Variants in FBXL22 observed in about 807,000 individuals in gnomAD.
FBXL22 encodes the protein F-box and leucine rich repeat protein 22, also known as F-box and leucine-rich protein 22.
FBXL22 carries 13 observed loss-of-function variants against 11.7 expected under a neutral mutation model. The ratio of observed to expected loss-of-function variants is 1.11; its 90% CI spans 0.73 to 1.77. The LOEUF is 1.77. Ranked by LOEUF, FBXL22 falls within the 40% of genes most tolerant of loss-of-function variation. FBXL22 has a pLI of 0.00. For missense variants in FBXL22, 406 were observed against 320.4 expected, an observed-to-expected ratio of 1.27 and a Z score of -2.04; for synonymous variants, 160 against 144.1, an observed-to-expected ratio of 1.11 and a Z score of -0.79.
intron 1 of FBXL22, chr15:63,599,399 CA>C: frequency 7.3e-7 from 1 of 1,376,856 alleles, no homozygotes; most frequent in East Asian, 2.7e-5. Flanking sequence ...TTGAAGGTAA[CA>C]ATTCCTCCCA....
chr15:63,602,678 TG>T (rs1193753289), downstream of FBXL22, among the ~76,000 whole-genome samples: 1 of 150,828 alleles, frequency 6.6e-6, no homozygotes, highest in Non-Finnish European at 1.5e-5. Flanking sequence ...GGCAAGAGAT[TG>T]GGGGGTGAAG....
downstream of FBXL22, chr15:63,601,935 C>A: frequency 1.9e-6 from 1 of 529,392 alleles, no homozygotes; most frequent in Non-Finnish European, 3.2e-6. Context: ...CCTAGGCTTC[C>A]AATTTGAATT....
chr15:63,597,596 C>T lies in FBXL22; in HGVS notation c.204C>T (p.Gly68=). 6.2e-7 allele frequency: 1 copy of T among 1,613,964 alleles called. No homozygotes were observed. ...TELQKDNFLL[G]PALRSLSICW... ...TCCAGAAGGACAACTTCCTCCTGGG[C>T]CCGGCACTCCGCAGCCTCTCCATCT... The change falls in exon 1 of 2, where the codon GGC becomes GGT. Residue 68 remains glycine (G), a synonymous_variant. Transcript: ENST00000638704. This position sits in a 1 kb window ranked among gnomAD's most constrained non-coding sequence, Gnocchi z 4.3.
Position 63,600,798 on chromosome 15 carries a change from G to A in FBXL22, c.455G>A (p.Arg152His), listed in dbSNP as rs538591757. The A allele has an allele frequency of 1.1e-5, 14 of 1,230,990 alleles. No individual in the cohort carries two copies. The East Asian group carries it at 1.9e-4, about 17-fold the overall frequency. The allele number at this position is 1,230,990 out of a possible 1,614,324, so 76.3% of individuals were successfully genotyped here. ...LRCCPRLRAL[R>H]LENCARVTNR... ...TGCTGCCCACGCCTGCGCGCACTGC[G>A]CCTGGAGAACTGCGCGCGCGTCACC... Residue 152 changes from arginine (R) to histidine (H), a missense_variant, in exon 2 of 2, where the codon CGC becomes CAC. By Grantham distance (29) the Arg-to-His change is conservative (BLOSUM62 0). Transcript: ENST00000638704.
At chr15:63,601,611 C>A (rs372736597), downstream of FBXL22, 3 of 1,595,816 alleles carry the variant, frequency 1.9e-6, no homozygotes, top group East Asian at 2.3e-5. Flanking sequence ...GCCACCGAGC[C>A]GCTCCTCCTT....
Position 63,599,153 on chromosome 15 carries a change from G to C in FBXL22, c.353+1408G>C, listed in dbSNP as rs1235297200. On this transcript the variant is annotated intron_variant, in intron 1 of 1. Transcript: ENST00000638704. ...TGTGCTAAATTTTTCTTATCCAACA[G>C]GGTAAGAGGATTAAATGACACAGTG... The C allele has an allele frequency of 6.7e-6, 10 of 1,493,446 alleles. No homozygotes were observed. In the East Asian group the frequency reaches 1.5e-4, roughly 22 times the overall value. 92.5% of individuals were successfully genotyped at this position (1,493,446 alleles called of 1,614,324 possible). A position where few individuals can be genotyped will look rare whatever the true frequency, so the allele number is the denominator to read the frequency against.
At chr15:63,599,288 G>A (rs1005104302) in intron 1 of FBXL22, 23 of 1,490,600 alleles carry the variant, frequency 1.5e-5, no homozygotes, top group Non-Finnish European at 1.9e-5. Context: ...GGGACAGTCC[G>A]CTCTTTGTTT....
downstream of FBXL22, among the ~76,000 whole-genome samples, chr15:63,605,982 T>C (rs2067411075): frequency 6.6e-6 from 1 of 152,220 alleles, no homozygotes; most frequent in Non-Finnish European, 1.5e-5. Flanking sequence ...GGTGGTGCTC[T>C]GAGGCTTGTC....
intron 1 of FBXL22, chr15:63,599,659 C>T (rs1332180924): frequency 7.1e-6 from 7 of 987,968 alleles, no homozygotes; most frequent in Non-Finnish European, 8.4e-6. Flanking sequence ...ACAAAGGAGC[C>T]GAGCTGGCAC....
downstream of FBXL22, among the ~76,000 whole-genome samples, chr15:63,607,361 G>A (rs968168618): frequency 6.6e-6 from 1 of 152,182 alleles, no homozygotes; most frequent in Admixed American, 6.5e-5. Flanking sequence ...TCCTGGTCCA[G>A]AGGCCCAGGC....
chr15:63,601,907 G>C, downstream of FBXL22: 1 of 614,044 alleles, frequency 1.6e-6, no homozygotes, highest in Non-Finnish European at 2.6e-6. Flanking sequence ...TGTTGGATTT[G>C]CTGGACATGA....
the FBXL22 span, among the ~76,000 whole-genome samples, chr15:63,608,148 C>T: frequency 0.029 from 4,476 of 152,308 alleles, 214 homozygotes; most frequent in African/African-American, 0.1. Flanking sequence ...CTTGGCTGCC[C>T]TCCCCACTGA....
rs150267919 is a variant in FBXL22, at chr15:63,597,655, T to A, written c.263T>A (p.Ile88Asn). 6.2e-7 allele frequency: 1 copy of A among 1,612,764 alleles called. No individual in the cohort carries two copies. The highest frequency in any genetic ancestry group is 8.5e-7 in the Non-Finnish European group (1 of 1,179,730). The change falls in exon 1 of 2, where the codon ATT becomes AAT. Residue 88 changes from isoleucine (I) to asparagine (N), a missense_variant. Ile to Asn is a moderately radical substitution (Grantham distance 149). Coordinates refer to ENST00000638704, the MANE Select transcript of FBXL22 (RefSeq NM_001367807.1). This position sits in a 1 kb window ranked among gnomAD's most constrained non-coding sequence, Gnocchi z 4.3. ...TCCAGCCGCGTGCAGGTGTGCAGCA[T>A]TGAGGACTGGCTCAAGAGTGCCTTC... Reference protein sequence around the residue: ...WHSSRVQVCSIEDWLKSAFQR... With the variant: ...WHSSRVQVCSNEDWLKSAFQR...
At position 63,600,805 on chromosome 15, in the gene FBXL22, G is replaced by A. The variant is rs1449704956; in HGVS notation, c.462G>A (p.Glu154=). 3 of 1,231,014 alleles carry A rather than the reference G, an allele frequency of 2.4e-6. No homozygotes were observed. Among genetic ancestry groups the A allele is most frequent in the Admixed American group, 4.2e-5 (1 of 23,694 alleles). 76.3% of individuals were successfully genotyped at this position (1,231,014 alleles called of 1,614,324 possible). A position where few individuals can be genotyped will look rare whatever the true frequency, so the allele number is the denominator to read the frequency against. The change falls in exon 2 of 2, where the codon GAG becomes GAA. Residue 154 remains glutamate, a synonymous_variant. Transcript: ENST00000638704. The part of the protein sequence containing the change: ...CCPRLRALRL[E]NCARVTNRTL... ...CACGCCTGCGCGCACTGCGCCTGGA[G>A]AACTGCGCGCGCGTCACCAACCGCA...
downstream of FBXL22, among the ~76,000 whole-genome samples, chr15:63,606,476 G>A (rs1297150234): frequency 1.3e-5 from 2 of 152,238 alleles, no homozygotes; most frequent in Non-Finnish European, 2.9e-5. Context: ...AGAGCTGAAA[G>A]TAAACCAAGG....
chr15:63,601,320 G>A (rs1304765967), downstream of FBXL22: 5 of 1,594,424 alleles, frequency 3.1e-6, no homozygotes, highest in East Asian at 2.3e-5. Context: ...GCTCCCCACG[G>A]AGGCGGGAGG....
chr15:63,598,905 G>A (rs2067318941), intron 1 of FBXL22, among the ~76,000 whole-genome samples: 2 of 152,312 alleles, frequency 1.3e-5, no homozygotes, highest in East Asian at 3.9e-4. Flanking sequence ...TCCTGAAGTT[G>A]TTCCATTCTT....
intron 1 of FBXL22, among the ~76,000 whole-genome samples, chr15:63,598,615 G>T (rs2067313020): frequency 6.6e-6 from 1 of 152,106 alleles, no homozygotes; most frequent in African/African-American, 2.4e-5. Context: ...ACACCCCCTT[G>T]ATCATATAAC....
chr15:63,604,295 G>C (rs2067403263), downstream of FBXL22, among the ~76,000 whole-genome samples: 1 of 152,168 alleles, frequency 6.6e-6, no homozygotes, highest in Non-Finnish European at 1.5e-5. Flanking sequence ...GGTTGAGCTA[G>C]AATGGGGTAA....
Sources: gnomAD v4.1 joint callset for allele counts (sites outside exome capture counted in the v4.1 genomes callset) on GRCh38, gnomAD v4.1.1 for gene constraint, Gnocchi (gnomAD v3.1) non-coding constraint, MANE v1.5 for transcripts, NCBI Gene and HGNC (gene_info 2026-07-23, HGNC 2026-07-21) for gene names.